Variants in TSNAX observed in about 807,000 individuals in gnomAD.
TSNAX encodes the protein translin associated factor X.
In TSNAX, 12 loss-of-function variants were observed where a neutral mutation model predicts 33.0. That is an observed-to-expected ratio of 0.36 (90% CI 0.23 to 0.59). The LOEUF (loss-of-function observed/expected upper bound fraction) is 0.59, where lower values mean the gene tolerates loss of function less well. Ranked by LOEUF, TSNAX falls within the 20% of genes least tolerant of loss-of-function variation. TSNAX has a pLI of 0.74. For synonymous variants in TSNAX, 110 were observed against 117.2 expected, an observed-to-expected ratio of 0.94 and a Z score of 0.40; for missense variants, 267 against 341.3, an observed-to-expected ratio of 0.78 and a Z score of 1.72.
At chr1:231,529,142 G>A in intron 1 of TSNAX, 113 bp from the exon 2 acceptor site, 1 of 1,076,206 alleles carries the variant, frequency 9.3e-7, no homozygotes, top group East Asian at 2.5e-5. Flanking sequence ...AAGCCTCTAA[G>A]GCGAGGGCCC....
At chr1:231,563,370 C>G (rs1466748122) in intron 5 of TSNAX, 2 of 152,774 alleles carry the variant, frequency 1.3e-5, no homozygotes, top group African/African-American at 2.4e-5. Context: ...TGAATATTTA[C>G]TTTGTGTTGG....
chr1:231,537,594 A>G (rs1342553422), intron 3 of TSNAX, among the ~76,000 whole-genome samples: 2 of 152,064 alleles, frequency 1.3e-5, no homozygotes, highest in Non-Finnish European at 2.9e-5. Flanking sequence ...TACAAAAATT[A>G]GGTGGGATTG....
intron 1 of TSNAX, 24 bp from the exon 2 acceptor site, chr1:231,529,231 C>T (rs764285389): frequency 6.2e-7 from 1 of 1,606,744 alleles, no homozygotes; most frequent in Non-Finnish European, 8.5e-7. Flanking sequence ...GAAGATCCCT[C>T]TCTTTTTTTC....
At chr1:231,537,474 C>A in intron 3 of TSNAX, 147 bp downstream of exon 3, 1 of 523,788 alleles carries the variant, frequency 1.9e-6, no homozygotes, top group Non-Finnish European at 3.3e-6. Context: ...GGTGTGGTGG[C>A]GCATGCCTGT....
At chr1:231,533,098 ACT>A (rs1658891326) in intron 2 of TSNAX, among the ~76,000 whole-genome samples, 1 of 141,506 alleles carries the variant, frequency 7.1e-6, no homozygotes, top group Non-Finnish European at 1.5e-5. Context: ...ATGGACTCTC[ACT>A]CTGTCACCCA....
At chr1:231,531,573 T>C (rs1658720049) in intron 2 of TSNAX, among the ~76,000 whole-genome samples, 1 of 152,246 alleles carries the variant, frequency 6.6e-6, no homozygotes, top group African/African-American at 2.4e-5. Context: ...GTCATTAATA[T>C]AGCCATAATA....
chr1:231,563,265 A>G (rs1242108852), intron 5 of TSNAX, among the ~76,000 whole-genome samples: 10 of 152,198 alleles, frequency 6.6e-5, no homozygotes. Context: ...TTTAATAACA[A>G]TTTAGGCATC....
chr1:231,538,356 A>G (rs1452361992), intron 3 of TSNAX, among the ~76,000 whole-genome samples: 3 of 152,226 alleles, frequency 2.0e-5, no homozygotes, highest in East Asian at 1.9e-4. Context: ...TATTATTCAT[A>G]CAGTTTTGAC....
chr1:231,529,337 AC>A lies in TSNAX; in HGVS notation c.102del (p.Val35Ter). Reference protein sequence around the residue: ...REGKDVNSSSPVMLAFKSFQQ... With the variant: ...REGKDVNSSSXVMLAFKSFQQ... ...AAGGGAAGGATGTTAATTCATCTTC[AC>A]CCGTGATGTTGGCCTTTAAATGTAA... On this transcript the variant is annotated frameshift_variant, in exon 2 of 6. Transcript: ENST00000366639. LOFTEE classifies it high-confidence loss of function. 1 of 1,614,192 alleles carries A rather than the reference AC, an allele frequency of 6.2e-7. No individual in the cohort carries two copies. The highest frequency in any genetic ancestry group is 8.5e-7 in the Non-Finnish European group (1 of 1,180,032).
chr1:231,538,773 A>G (rs753450032), intron 3 of TSNAX, among the ~76,000 whole-genome samples: 4 of 152,128 alleles, frequency 2.6e-5, no homozygotes, highest in Non-Finnish European at 4.4e-5. Flanking sequence ...TCTACAAAAA[A>G]TACAAAAAAC....
Position 231,564,732 on chromosome 1 carries a change from A to C in TSNAX, c.700A>C (p.Thr234Pro). The C allele has an allele frequency of 6.2e-7, 1 of 1,614,182 alleles. No homozygotes were observed. The highest frequency in any genetic ancestry group is 8.5e-7 in the Non-Finnish European group (1 of 1,180,042). The part of the protein sequence containing the change: ...VYDGFSFIGN[T>P]GPYEVSKKLY... ...TGATGGGTTTTCATTCATTGGCAAC[A>C]CTGGACCTTACGAGGTTTCTAAGAA... Residue 234 changes from threonine (T) to proline (P), a missense_variant, in exon 6 of 6, where the codon ACT becomes CCT. This residue lies in a region of TSNAX where 67 missense variants were observed against 127.2 expected (regional missense o/e 0.53). Transcript: ENST00000366639.
intron 2 of TSNAX, 51 bp from the exon 3 acceptor site, chr1:231,537,162 G>T (rs533869158): frequency 1.5e-6 from 2 of 1,371,094 alleles, no homozygotes; most frequent in African/African-American, 2.9e-5. Context: ...ATATTGTTTG[G>T]TAGGCTTTGA....
chr1:231,539,552 A>G (rs1659417084), intron 3 of TSNAX, among the ~76,000 whole-genome samples: 1 of 152,206 alleles, frequency 6.6e-6, no homozygotes, highest in Non-Finnish European at 1.5e-5. Context: ...ATTTTAGAAA[A>G]ATCTGCGTTA....
intron 4 of TSNAX, among the ~76,000 whole-genome samples, chr1:231,546,733 C>G (rs193130397): frequency 7.2e-5 from 11 of 152,242 alleles, no homozygotes; most frequent in African/African-American, 2.4e-4. Flanking sequence ...TCTTGAAGAC[C>G]AGGCTTTGTA....
intron 4 of TSNAX, among the ~76,000 whole-genome samples, chr1:231,555,770 C>G (rs6667975): frequency 0.21 from 32,242 of 151,968 alleles, 3,695 homozygotes; most frequent in Admixed American, 0.29. Context: ...AGAGTTTGCT[C>G]CTGCTCAAGG....
Position 231,564,702 on chromosome 1 carries a change from GT to G in TSNAX, c.673del (p.Tyr225MetfsTer22). On this transcript the variant is annotated frameshift_variant, in exon 6 of 6. Coordinates refer to ENST00000366639, the MANE Select transcript of TSNAX (RefSeq NM_005999.3). LOFTEE classifies it high-confidence loss of function. The stretch of plus-strand genomic sequence containing the variant: ...TGAAGTGAGCCAGTTTTTACGTCAG[GT>G]TTATGATGGGTTTTCATTCATTGGC... Reference protein sequence around the residue: ...PFEVSQFLRQVYDGFSFIGNT... With the variant: ...PFEVSQFLRQXYDGFSFIGNT... 1 of 1,614,114 alleles carries G rather than the reference GT, an allele frequency of 6.2e-7. No homozygotes were observed. Among genetic ancestry groups the G allele is most frequent in the Non-Finnish European group, 8.5e-7 (1 of 1,180,034 alleles).
intron 2 of TSNAX, among the ~76,000 whole-genome samples, chr1:231,530,207 A>T (rs1658582483): frequency 6.6e-6 from 1 of 152,212 alleles, no homozygotes; most frequent in Non-Finnish European, 1.5e-5. Context: ...TTTTTGTCAC[A>T]TTGTGTTTGT....
At chr1:231,542,762 C>A in intron 4 of TSNAX, 151 bp downstream of exon 4, 2 of 890,436 alleles carry the variant, frequency 2.2e-6, no homozygotes, top group Non-Finnish European at 3.4e-6. Context: ...AGAAGTAATC[C>A]AAAGGCAAGT....
intron 2 of TSNAX, among the ~76,000 whole-genome samples, chr1:231,533,670 TAC>T (rs1322975841): frequency 6.6e-6 from 1 of 152,234 alleles, no homozygotes; most frequent in Non-Finnish European, 1.5e-5. Context: ...GGAAAAATAG[TAC>T]AGAGAATTTC....
Sources: allele counts gnomAD v4.1 joint callset (sites outside exome capture counted in the v4.1 genomes callset), GRCh38; gene constraint gnomAD v4.1.1; regional missense constraint gnomAD v4.1.1; transcripts MANE v1.5; gene names NCBI Gene and HGNC (gene_info 2026-07-23, HGNC 2026-07-21).